GALNT10: variants seen among roughly 807,000 people sequenced by gnomAD.
The protein encoded by GALNT10 is GalNAc transferase 10.
A neutral mutation model predicts 75.0 loss-of-function variants in GALNT10; 41 were observed. The observed-to-expected ratio is 0.55, with a 90% CI of 0.43 to 0.71. GALNT10 has a LOEUF of 0.71. Ranked by LOEUF, GALNT10 falls within the 30% of genes least tolerant of loss-of-function variation. The pLI is 0.00. For missense variants in GALNT10, 727 were observed against 818.5 expected (o/e 0.89, Z 1.36); for synonymous variants, 302 against 313.0 (o/e 0.96, Z 0.37).
intron 1 of GALNT10, among the ~76,000 whole-genome samples, chr5:154,260,232 C>CA (rs1175733998): frequency 6.6e-6 from 1 of 152,126 alleles, no homozygotes; most frequent in Non-Finnish European, 1.5e-5. Context: ...CCAACCCTCC[C>CA]AAAAAAACCC....
chr5:154,245,689 A>G (rs1374592338), intron 1 of GALNT10, among the ~76,000 whole-genome samples: 1 of 152,156 alleles, frequency 6.6e-6, no homozygotes, highest in Non-Finnish European at 1.5e-5. Context: ...GTAATGATGA[A>G]AAGAGGATGT....
In GALNT10 at chr5:154,190,984, C is replaced by T; in HGVS notation, c.118C>T (p.Pro40Ser). Reference protein sequence around the residue: ...LYRERQPDGTPGGSGAAVAPA... With the variant: ...LYRERQPDGTSGGSGAAVAPA... ...CCGCGAGCGGCAGCCCGACGGCACCCCTGGGGGATCGGGGGCGGCGGTGGC... is the reference window on the plus strand; with the variant it reads ...CCGCGAGCGGCAGCCCGACGGCACCTCTGGGGGATCGGGGGCGGCGGTGGC... Residue 40 changes from proline to serine, a missense_variant, in exon 1 of 12, where the codon CCT (proline) becomes TCT (serine). Coordinates refer to ENST00000297107, the MANE Select transcript of GALNT10 (RefSeq NM_198321.4). The T allele has an allele frequency of 6.7e-7, 1 of 1,501,686 alleles. No individual in the cohort carries two copies. Among genetic ancestry groups the T allele is most frequent in the Non-Finnish European group, 8.9e-7 (1 of 1,125,886 alleles). 93.0% of individuals were successfully genotyped at this position (1,501,686 alleles called of 1,614,324 possible).
chr5:154,356,468 TGCTGGTG>T (rs929826446), intron 4 of GALNT10, among the ~76,000 whole-genome samples: 1 of 152,196 alleles, frequency 6.6e-6, no homozygotes, highest in African/African-American at 2.4e-5. Flanking sequence ...GCCACAAACT[TGCTGGTG>T]GCCCAGGAAG....
chr5:154,208,523 G>A (rs1322817115), intron 1 of GALNT10, among the ~76,000 whole-genome samples: 1 of 152,032 alleles, frequency 6.6e-6, no homozygotes. Context: ...CCTGATAATA[G>A]TACCTACTTC....
chr5:154,276,407 C>T (rs895597168), intron 1 of GALNT10, among the ~76,000 whole-genome samples: 4 of 152,198 alleles, frequency 2.6e-5, no homozygotes, highest in African/African-American at 7.2e-5. Flanking sequence ...CTTTGACTTC[C>T]TTCAGTACCG....
chr5:154,393,780 C>G (rs985279472), intron 7 of GALNT10, among the ~76,000 whole-genome samples: 3 of 152,016 alleles, frequency 2.0e-5, no homozygotes, highest in African/African-American at 7.2e-5. Flanking sequence ...GAGGTCAAGG[C>G]TGCAATAAGC....
In GALNT10 at chr5:154,201,337, G is replaced by A. The variant is rs1034645263; in HGVS notation, c.159+10312G>A. ...GAGGTTCAAAGAGCATAAGTGACAC[G>A]ACTAGTACCAAAGCCAATAAGTTGA... On this transcript the variant is annotated intron_variant, in intron 1 of 11. Coordinates refer to ENST00000297107, the MANE Select transcript of GALNT10 (RefSeq NM_198321.4). 3.9e-5 allele frequency among the ~76,000 whole-genome samples: 6 copies of A among 152,028 alleles called. No homozygotes were observed. The East Asian group carries it at 9.6e-4, about 24-fold the overall frequency.
chr5:154,235,791 G>A (rs955957254), intron 1 of GALNT10, among the ~76,000 whole-genome samples: 7 of 152,110 alleles, frequency 4.6e-5, no homozygotes, highest in Admixed American at 1.3e-4. Context: ...GTGCTTTGGG[G>A]TTTTCAAAGA....
chr5:154,405,556 C>T (rs936327062), intron 8 of GALNT10, among the ~76,000 whole-genome samples: 2 of 152,096 alleles, frequency 1.3e-5, no homozygotes, highest in Non-Finnish European at 2.9e-5. Flanking sequence ...GAAAAGCGCA[C>T]GCTCTCTCGG....
intron 1 of GALNT10, among the ~76,000 whole-genome samples, chr5:154,278,122 T>G (rs922862710): frequency 1.3e-5 from 2 of 152,252 alleles, no homozygotes; most frequent in African/African-American, 4.8e-5. Flanking sequence ...TAACATAAAC[T>G]TTATTTCCCT....
chr5:154,374,332 T>C (rs1284593057), intron 4 of GALNT10, among the ~76,000 whole-genome samples: 1 of 152,198 alleles, frequency 6.6e-6, no homozygotes, highest in East Asian at 1.9e-4. Context: ...ATGTAGATCA[T>C]CTTTTCTCTG....
intron 1 of GALNT10, among the ~76,000 whole-genome samples, chr5:154,274,541 G>T (rs1327980594): frequency 1.3e-5 from 2 of 152,096 alleles, no homozygotes; most frequent in Non-Finnish European, 2.9e-5. Context: ...CTCAATAAAT[G>T]TGGGTCACCA....
chr5:154,256,055 A>G (rs991339932), intron 1 of GALNT10, among the ~76,000 whole-genome samples: 3 of 152,132 alleles, frequency 2.0e-5, no homozygotes, highest in African/African-American at 7.2e-5. Context: ...AAGCCTGGTT[A>G]TGGCTCCCTG....
rs947963584 is a variant in GALNT10 at position 154,420,212 on chromosome 5, C to T, written c.*3240C>T. 2.0e-5 allele frequency: 3 copies of T among 152,224 alleles called. No individual in the cohort carries two copies. The highest frequency in any genetic ancestry group is 4.8e-5 in the African/African-American group (2 of 41,460). The allele number at this position is 152,224 out of a possible 1,614,324, so 9.4% of individuals were successfully genotyped here. On this transcript the variant is annotated 3_prime_UTR_variant, in exon 12 of 12. Transcript: ENST00000297107. ...GAATCGGACGAGAGGATGTGACATT[C>T]GGTCCAGGAGAGAAAGAGCAGTTTC...
At chr5:154,262,256 A>C (rs1043823592) in intron 1 of GALNT10, among the ~76,000 whole-genome samples, 4 of 140,044 alleles carry the variant, frequency 2.9e-5, no homozygotes, top group Admixed American at 6.7e-5. Context: ...CCTGCCTGGC[A>C]TCAATGCAGG....
intron 3 of GALNT10, among the ~76,000 whole-genome samples, chr5:154,326,187 A>G (rs1167573954): frequency 2.0e-5 from 3 of 152,242 alleles, no homozygotes; most frequent in Non-Finnish European, 4.4e-5. Context: ...TCATTAAACC[A>G]TAAGGAGATA....
chr5:154,236,184 G>A (rs886898027), intron 1 of GALNT10, among the ~76,000 whole-genome samples: 1 of 152,138 alleles, frequency 6.6e-6, no homozygotes, highest in Non-Finnish European at 1.5e-5. Context: ...CTCCCCAGCT[G>A]TGTCACCAGA....
chr5:154,217,941 C>T, intron 1 of GALNT10: 1 of 847,694 alleles, frequency 1.2e-6, no homozygotes. Context: ...GTTTAACTCC[C>T]TGATTGGACC....
Position 154,294,866 on chromosome 5 carries a change from G to T in GALNT10, c.210G>T (p.Lys70Asn), listed in dbSNP as rs1259710927. 3.1e-6 allele frequency: 5 copies of T among 1,608,584 alleles called. No individual in the cohort carries two copies. The highest frequency in any genetic ancestry group is 4.3e-6 in the Non-Finnish European group (5 of 1,174,944). ...KKTFFLGDGQ[K>N]LKDWHDKEAI... ...CGTTTTTCTTGGGAGATGGGCAGAAGCTGAAGGACTGGCATGACAAGGAGG... is the reference window on the plus strand; with the variant it reads ...CGTTTTTCTTGGGAGATGGGCAGAATCTGAAGGACTGGCATGACAAGGAGG... Residue 70 changes from lysine (K) to asparagine (N), a missense_variant, in exon 2 of 12, where the codon AAG (lysine) becomes AAT (asparagine). By Grantham distance (94) the Lys-to-Asn change is moderately conservative (BLOSUM62 0). Coordinates refer to ENST00000297107, the MANE Select transcript of GALNT10 (RefSeq NM_198321.4).
Sources: allele counts gnomAD v4.1 joint callset (sites outside exome capture counted in the v4.1 genomes callset), GRCh38; gene constraint gnomAD v4.1.1; transcripts MANE v1.5; gene names NCBI Gene and HGNC (gene_info 2026-07-23, HGNC 2026-07-21).